Variants in KLHDC4 observed in about 807,000 individuals in gnomAD.
KLHDC4 encodes the protein kelch domain containing 4.
Under a neutral mutation model 62.4 loss-of-function variants are expected in KLHDC4, and 90 were observed. The ratio of observed to expected loss-of-function variants is 1.44; its 90% confidence interval spans 1.22 to 1.72. KLHDC4 has a LOEUF of 1.72. KLHDC4 is among the 40% of genes most tolerant of loss of function. The pLI is 0.00. For synonymous variants in KLHDC4, 386 were observed against 284.4 expected (o/e 1.36, Z -3.59); for missense variants, 1,025 against 699.7 (o/e 1.47, Z -5.25).
Position 87,709,951 on chromosome 16 carries a change from G to A in KLHDC4, c.1045-284C>T, listed in dbSNP as rs1164733989. 3.4e-5 allele frequency: 15 copies of A among 446,594 alleles called. No individual in the cohort carries two copies. The Admixed American group carries it at 5.6e-4, about 17-fold the overall frequency. 27.7% of individuals were successfully genotyped at this position (446,594 alleles called of 1,614,324 possible). The stretch of plus-strand genomic sequence containing the variant: ...CGCTCCACACCTCCACTGAGAGGTG[G>A]ACAGGCCCACCAGACCCCACACACA... On this transcript the variant is annotated intron_variant, in intron 9 of 11. Coordinates refer to ENST00000270583, the MANE Select transcript of KLHDC4 (RefSeq NM_017566.4).
chr16:87,711,757 A>G (rs1482054315), intron 8 of KLHDC4, among the ~76,000 whole-genome samples: 1 of 151,470 alleles, frequency 6.6e-6, no homozygotes, highest in Non-Finnish European at 1.5e-5. Context: ...CTAGACACAC[A>G]GAGGGGCTTC....
At chr16:87,717,279 T>C (rs148733703) in intron 7 of KLHDC4, among the ~76,000 whole-genome samples, 81 of 152,364 alleles carry the variant, frequency 5.3e-4, no homozygotes, top group African/African-American at 1.9e-3. Context: ...ATGTGTAAAC[T>C]GCTACCGGGT....
At chr16:87,737,606 T>C (rs1309616419) in intron 5 of KLHDC4, among the ~76,000 whole-genome samples, 2 of 143,486 alleles carry the variant, frequency 1.4e-5, no homozygotes, top group Non-Finnish European at 3.1e-5. Flanking sequence ...TTTTTTTTTT[T>C]TGAGACAGTC....
intron 5 of KLHDC4, among the ~76,000 whole-genome samples, chr16:87,736,141 C>G (rs1233302619): frequency 6.6e-6 from 1 of 152,196 alleles, no homozygotes; most frequent in Non-Finnish European, 1.5e-5. Context: ...CACGCACACA[C>G]TTCTGGAAGG....
chr16:87,722,466 A>C (rs184178514), intron 7 of KLHDC4, among the ~76,000 whole-genome samples: 206 of 152,304 alleles, frequency 1.4e-3, no homozygotes, highest in African/African-American at 4.5e-3. Flanking sequence ...CGAGCTCTTC[A>C]CATGTCAAAC....
exon 1 of KLHDC4, chr16:87,699,152 G>A (rs1279189119): frequency 6.6e-6 from 1 of 152,292 alleles, no homozygotes; most frequent in Non-Finnish European, 1.5e-5. Flanking sequence ...TCTGCCCCGG[G>A]GCCTCTGGTG....
At chr16:87,705,934 A>G (rs1464605571), downstream of KLHDC4, among the ~76,000 whole-genome samples, 2 of 152,258 alleles carry the variant, frequency 1.3e-5, no homozygotes, top group Non-Finnish European at 2.9e-5. Flanking sequence ...ACCGGCCGCC[A>G]AAGCCGGCGC....
Position 87,744,985 on chromosome 16 carries a change from A to G in KLHDC4, c.506+3688T>C, listed in dbSNP as rs577008779. Among the ~76,000 whole-genome samples, 101 of 87,704 alleles carry G rather than the reference A, an allele frequency of 1.2e-3. 2 individuals carry two copies. In the East Asian group the frequency reaches 0.028, roughly 25 times the overall value. 57.5% of individuals were successfully genotyped at this position (87,704 alleles called of 152,430 possible). A position where few individuals can be genotyped will look rare whatever the true frequency, so the allele number is the denominator to read the frequency against. ...TGCACACATGCAATCATCTGCACAC[A>G]CGCGGTGCACACACGTGTACACATG... On this transcript the variant is annotated intron_variant, in intron 5 of 11. Transcript: ENST00000270583.
Position 87,726,902 on chromosome 16 carries a change from C to A in KLHDC4, c.622G>T (p.Val208Leu), listed in dbSNP as rs2039463141. ...STRDYIYYND[V>L]YAFNLDTFTW... The stretch of plus-strand genomic sequence containing the variant: ...AAGGTGTCCAGATTAAAGGCATACA[C>A]GTCGTTGTAGTAGATGTAATCCCTG... Residue 208 changes from valine (V) to leucine (L), a missense_variant, in exon 7 of 12, where the codon GTG becomes TTG. Val to Leu is a conservative substitution (Grantham distance 32). Transcript: ENST00000270583. 6.2e-7 allele frequency: 1 copy of A among 1,613,978 alleles called. No individual in the cohort carries two copies. The highest frequency in any genetic ancestry group is 8.5e-7 in the Non-Finnish European group (1 of 1,179,922).
At chr16:87,733,640 TC>T (rs2040788749) in intron 5 of KLHDC4, among the ~76,000 whole-genome samples, 1 of 137,304 alleles carries the variant, frequency 7.3e-6, no homozygotes, top group Non-Finnish European at 1.6e-5. Flanking sequence ...ATGACCTGCC[TC>T]GCCTCCTACT....
chr16:87,728,910 G>T (rs933820954), intron 6 of KLHDC4, among the ~76,000 whole-genome samples: 1 of 152,114 alleles, frequency 6.6e-6, no homozygotes. Flanking sequence ...GAGTGCCTGG[G>T]ATTAAAGGTG....
intron 1 of KLHDC4, among the ~76,000 whole-genome samples, chr16:87,763,879 A>G (rs1190289995): frequency 6.6e-6 from 1 of 152,200 alleles, no homozygotes; most frequent in African/African-American, 2.4e-5. Context: ...TGAATGCTGA[A>G]AAGACGACTC....
At chr16:87,707,359 C>A (rs2034865470), downstream of KLHDC4, among the ~76,000 whole-genome samples, 1 of 152,234 alleles carries the variant, frequency 6.6e-6, no homozygotes, top group Non-Finnish European at 1.5e-5. Context: ...CTAAACCCGA[C>A]TGGGACAGGG....
intron 7 of KLHDC4, among the ~76,000 whole-genome samples, chr16:87,719,910 C>T (rs566891495): frequency 2.6e-4 from 39 of 152,348 alleles, no homozygotes; most frequent in Non-Finnish European, 4.7e-4. Context: ...GGAGGCGCAT[C>T]GGCCGCACAC....
intron 2 of KLHDC4, among the ~76,000 whole-genome samples, chr16:87,760,521 G>A (rs1406701882): frequency 1.3e-5 from 2 of 149,514 alleles, no homozygotes; most frequent in African/African-American, 4.9e-5. Flanking sequence ...GCAGGAGAAT[G>A]GCGTGAACCC....
intron 6 of KLHDC4, among the ~76,000 whole-genome samples, chr16:87,729,805 C>T (rs892327622): frequency 6.6e-6 from 1 of 152,160 alleles, no homozygotes; most frequent in Non-Finnish European, 1.5e-5. Context: ...GTCCCCTGGC[C>T]AGCAACGTCA....
chr16:87,727,013 T>G, intron 6 of KLHDC4, 89 bp from the exon 7 acceptor site: 1 of 1,391,736 alleles, frequency 7.2e-7, no homozygotes, highest in South Asian at 1.2e-5. Context: ...TAAAGGTAAA[T>G]TTCCTACTGT....
At chr16:87,751,848 C>T (rs1298781155) in intron 4 of KLHDC4, among the ~76,000 whole-genome samples, 5 of 143,866 alleles carry the variant, frequency 3.5e-5, no homozygotes, top group East Asian at 2.2e-4. Context: ...CCGAGGCGGG[C>T]GGATCACGAG....
intron 7 of KLHDC4, among the ~76,000 whole-genome samples, chr16:87,724,603 TGA>T (rs753401704): frequency 6.6e-5 from 10 of 152,152 alleles, no homozygotes; most frequent in African/African-American, 2.2e-4. Context: ...CCAGCAGTCA[TGA>T]GAGAAATGAG....
Sources: allele counts gnomAD v4.1 joint callset (sites outside exome capture counted in the v4.1 genomes callset), GRCh38; gene constraint gnomAD v4.1.1; transcripts MANE v1.5; gene names NCBI Gene and HGNC (gene_info 2026-07-23, HGNC 2026-07-21).